Variants in GSTA5 observed in about 807,000 individuals in gnomAD.
The protein encoded by GSTA5 is glutathione S-transferase A5.
Under a neutral mutation model 21.8 loss-of-function variants are expected in GSTA5, and 25 were observed. That is an observed-to-expected ratio of 1.14 (90% CI 0.83 to 1.60). The LOEUF is 1.60. Among genes scored for constraint, GSTA5 ranks in the 40% most tolerant of loss-of-function variants. GSTA5 has a pLI of 0.00. For synonymous variants in GSTA5, 102 were observed against 89.5 expected, an observed-to-expected ratio of 1.14 and a Z score of -0.78; for missense variants, 330 against 259.2, an observed-to-expected ratio of 1.27 and a Z score of -1.88.
chr6:52,839,541 T>G (rs1462616553), intron 1 of GSTA5, among the ~76,000 whole-genome samples: 2 of 152,134 alleles, frequency 1.3e-5, no homozygotes, highest in Admixed American at 1.3e-4. Context: ...AAAGTACCGT[T>G]CCGAGGCTCA....
intron 5 of GSTA5, among the ~76,000 whole-genome samples, chr6:52,832,408 G>A (rs1764230025): frequency 6.6e-6 from 1 of 152,130 alleles, no homozygotes; most frequent in Non-Finnish European, 1.5e-5. Context: ...CAGTGTCAGG[G>A]GCAGAGTGCT....
upstream of GSTA5, among the ~76,000 whole-genome samples, chr6:52,841,641 T>G (rs1378116572): frequency 6.6e-6 from 1 of 152,254 alleles, no homozygotes; most frequent in Admixed American, 6.5e-5. Flanking sequence ...GCATTAACTT[T>G]GCAGGATATG....
At chr6:52,832,460 A>G (rs1191397835) in intron 5 of GSTA5, among the ~76,000 whole-genome samples, 1 of 152,184 alleles carries the variant, frequency 6.6e-6, no homozygotes, top group Non-Finnish European at 1.5e-5. Flanking sequence ...TGACAAAAGG[A>G]GCCAGAGCCC....
upstream of GSTA5, among the ~76,000 whole-genome samples, chr6:52,845,619 A>T (rs1409796353): frequency 6.6e-6 from 1 of 152,220 alleles, no homozygotes; most frequent in Non-Finnish European, 1.5e-5. Flanking sequence ...AAACTAATTT[A>T]TTCTAATTAT....
chr6:52,834,518 T>G (rs2127323281), intron 3 of GSTA5, among the ~76,000 whole-genome samples: 1 of 152,298 alleles, frequency 6.6e-6, no homozygotes, highest in East Asian at 1.9e-4. Flanking sequence ...TAGATAGATC[T>G]CAAAATTTTG....
At chr6:52,838,310 C>G (rs73740669) in intron 1 of GSTA5, among the ~76,000 whole-genome samples, 1 of 152,096 alleles carries the variant, frequency 6.6e-6, no homozygotes, top group African/African-American at 2.4e-5. Flanking sequence ...GACATGTTAC[C>G]GAAACTCTCT....
chr6:52,838,518 T>C (rs1404186544), intron 1 of GSTA5, among the ~76,000 whole-genome samples: 1 of 152,242 alleles, frequency 6.6e-6, no homozygotes, highest in East Asian at 1.9e-4. Context: ...AACTTAAACA[T>C]TGGAGTAAAT....
intron 1 of GSTA5, among the ~76,000 whole-genome samples, chr6:52,838,804 T>C (rs1273650354): frequency 1.3e-5 from 2 of 152,236 alleles, no homozygotes; most frequent in Non-Finnish European, 1.5e-5. Flanking sequence ...AATTATTGCT[T>C]AAAATCTTCA....
At chr6:52,832,147 G>A (rs1764226132) in intron 5 of GSTA5, among the ~76,000 whole-genome samples, 177 bp from the exon 6 acceptor site, 1 of 152,168 alleles carries the variant, frequency 6.6e-6, no homozygotes, top group South Asian at 2.1e-4. Flanking sequence ...ATAACATGTA[G>A]CTCACTTTAT....
At chr6:52,840,039 A>G (rs1403290643) in intron 1 of GSTA5, among the ~76,000 whole-genome samples, 3 of 152,252 alleles carry the variant, frequency 2.0e-5, no homozygotes, top group Admixed American at 6.5e-5. Context: ...TCAATCTTTA[A>G]TAGGTAGTTT....
At chr6:52,834,228 C>T (rs754980236) in exon 4 of GSTA5, 3 of 1,613,990 alleles carry the variant, frequency 1.9e-6, no homozygotes, top group Non-Finnish European at 2.5e-6. Context: ...GACATATGAG[C>T]AGAAGAAGGA....
At chr6:52,837,791 A>G (rs1440948977) in intron 1 of GSTA5, among the ~76,000 whole-genome samples, 182 bp from the exon 2 acceptor site, 3 of 152,214 alleles carry the variant, frequency 2.0e-5, no homozygotes, top group African/African-American at 7.2e-5. Flanking sequence ...AGAAAAGTGC[A>G]TGGGTCACAG....
exon 1 of GSTA5, chr6:52,840,802 C>A: frequency 2.5e-6 from 4 of 1,613,968 alleles, no homozygotes; most frequent in Non-Finnish European, 3.4e-6. Flanking sequence ...GGAGCTTGGG[C>A]TTCTCTGCCA....
In GSTA5 at chr6:52,834,002, C is replaced by G. The variant is rs535066096; in HGVS notation, c.414+139G>C. On this transcript the variant is annotated intron_variant, in intron 4 of 5. Transcript: ENST00000370989. ...CCTCCAAGTCTATTTGCATAAGAGG[C>G]CTTGAGAGTCAGAGTGCTGCCTTGG... 7.8e-4 allele frequency: 672 copies of G among 867,042 alleles called. 2 individuals are homozygous for G. Among genetic ancestry groups the G allele is most frequent in the South Asian group, 2.9e-3 (193 of 66,484 alleles). The allele number at this position is 867,042 out of a possible 1,614,324, so 53.7% of individuals were successfully genotyped here.
At chr6:52,845,087 C>T (rs144568484), upstream of GSTA5, among the ~76,000 whole-genome samples, 111 of 152,088 alleles carry the variant, frequency 7.3e-4, no homozygotes, top group African/African-American at 2.5e-3. Context: ...TATATGAATC[C>T]AGACATATCA....
At chr6:52,833,645 A>G (rs1764248431) in intron 4 of GSTA5, among the ~76,000 whole-genome samples, 1 of 152,240 alleles carries the variant, frequency 6.6e-6, no homozygotes, top group African/African-American at 2.4e-5. Context: ...ATTTTAAAGA[A>G]TCTTCCTCTG....
rs565504321 is a variant in GSTA5, at chr6:52,835,263, C to A, written c.272+973G>T. On this transcript the variant is annotated intron_variant, in intron 3 of 5. Transcript: ENST00000370989. The stretch of plus-strand genomic sequence containing the variant: ...TCTGGACATTTCATACAAAAAGAAT[C>A]CTATAATACTTGGCCTTCTGTGTCT... Among the ~76,000 whole-genome samples, 10 of 152,296 alleles carry A rather than the reference C, an allele frequency of 6.6e-5. No homozygotes were observed. The South Asian group carries it at 2.1e-3, about 32-fold the overall frequency.
At chr6:52,841,662 G>A (rs567169366), upstream of GSTA5, among the ~76,000 whole-genome samples, 8 of 152,356 alleles carry the variant, frequency 5.3e-5, no homozygotes, top group East Asian at 1.3e-3. Flanking sequence ...GAAGGAGCTA[G>A]CATTTGTTCA....
intron 1 of GSTA5, among the ~76,000 whole-genome samples, chr6:52,839,572 G>C (rs181587057): frequency 1.8e-4 from 28 of 152,286 alleles, no homozygotes; most frequent in African/African-American, 6.7e-4. Flanking sequence ...GCGCTGTGAG[G>C]CTGAAGGGGC....
Sources: gnomAD v4.1 joint callset for allele counts (sites outside exome capture counted in the v4.1 genomes callset) on GRCh38, gnomAD v4.1.1 for gene constraint, MANE v1.5 for transcripts, NCBI Gene and HGNC (gene_info 2026-07-23, HGNC 2026-07-21) for gene names.